MAML3: variants seen among roughly 807,000 people sequenced by gnomAD.
MAML3 encodes the protein mastermind like transcriptional coactivator 3, also known as mastermind-like protein 3.
MAML3 carries 27 observed loss-of-function variants against 101.9 expected under a neutral mutation model. The ratio of observed to expected loss-of-function variants is 0.27; its 90% CI spans 0.20 to 0.37. The LOEUF (loss-of-function observed/expected upper bound fraction) is 0.37, where lower values mean the gene tolerates loss of function less well. Among genes scored for constraint, MAML3 ranks in the 10% least tolerant of loss-of-function variants. MAML3 has a pLI of 1.00. For synonymous variants in MAML3, 501 were observed against 555.9 expected (o/e 0.90, Z 1.39); for missense variants, 1,316 against 1,444.9 (o/e 0.91, Z 1.45).
At chr4:139,860,220 G>C (rs917115649) in intron 2 of MAML3, among the ~76,000 whole-genome samples, 2 of 152,232 alleles carry the variant, frequency 1.3e-5, no homozygotes, top group Admixed American at 1.3e-4. Flanking sequence ...TGCGGATCCT[G>C]CGTTCACCAG....
At chr4:139,844,808 G>C (rs1043677760) in intron 2 of MAML3, among the ~76,000 whole-genome samples, 1 of 152,222 alleles carries the variant, frequency 6.6e-6, no homozygotes, top group Non-Finnish European at 1.5e-5. Flanking sequence ...AGACTGCAGA[G>C]AGCCTGGGGA....
intron 1 of MAML3, among the ~76,000 whole-genome samples, chr4:140,020,522 T>C (rs1726715448): frequency 6.6e-6 from 1 of 152,138 alleles, no homozygotes; most frequent in African/African-American, 2.4e-5. Flanking sequence ...TAGTTTGATA[T>C]TGAGCAAAAG....
chr4:140,110,222 T>C (rs1207228238), intron 1 of MAML3, among the ~76,000 whole-genome samples: 8 of 152,232 alleles, frequency 5.3e-5, no homozygotes. Context: ...GTTTTTGGCC[T>C]ATTCTAAAGG....
chr4:140,107,603 C>G (rs1728373733), intron 1 of MAML3, among the ~76,000 whole-genome samples: 1 of 151,246 alleles, frequency 6.6e-6, no homozygotes, highest in Non-Finnish European at 1.5e-5. Flanking sequence ...CTCTCGAGTT[C>G]AAGCGATTCT....
chr4:139,934,026 T>C (rs1733456895), intron 1 of MAML3, among the ~76,000 whole-genome samples: 1 of 152,136 alleles, frequency 6.6e-6, no homozygotes, highest in African/African-American at 2.4e-5. Context: ...TGTATATGAA[T>C]GTGTGTGGGA....
rs561093483 is a variant in MAML3, at chr4:139,756,469, T to C, written c.2080-25802A>G. Among the ~76,000 whole-genome samples, 26 of 152,314 alleles carry C rather than the reference T, an allele frequency of 1.7e-4. No individual in the cohort carries two copies. In the South Asian group the frequency reaches 4.4e-3, roughly 26 times the overall value. ...GTTGTCTGTCAGCATTCTCATAGAATATCCCAAGAATTATACCTGAGAGTC... is the reference window on the plus strand; with the variant it reads ...GTTGTCTGTCAGCATTCTCATAGAACATCCCAAGAATTATACCTGAGAGTC... On this transcript the variant is annotated intron_variant, in intron 2 of 4. Coordinates refer to ENST00000509479, the MANE Select transcript of MAML3 (RefSeq NM_018717.5).
At chr4:139,852,401 C>CTTTTTTTTTTTTTTT (rs1560814189) in intron 2 of MAML3, among the ~76,000 whole-genome samples, 1 of 126,272 alleles carries the variant, frequency 7.9e-6, no homozygotes, top group African/African-American at 3.4e-5. Context: ...ATTCAGAAGA[C>CTTTTTTTTTTTTTTT]TGTTTTTTTT....
chr4:140,069,616 G>A (rs1377947222), intron 1 of MAML3, among the ~76,000 whole-genome samples: 2 of 141,164 alleles, frequency 1.4e-5, no homozygotes, highest in African/African-American at 2.7e-5. Flanking sequence ...AGAAGAAGAA[G>A]AAAAAGAAAG....
At chr4:139,864,690 A>AAG (rs1263818441) in intron 2 of MAML3, among the ~76,000 whole-genome samples, 1 of 150,088 alleles carries the variant, frequency 6.7e-6, no homozygotes, top group African/African-American at 2.4e-5. Flanking sequence ...AAAAAAAAAA[A>AAG]AAAAAAAAAG....
At position 139,718,493 on chromosome 4, in the gene MAML3, C is replaced by T. The variant is rs1010429445; in HGVS notation, c.*830G>A. 4 of 152,218 alleles carry T rather than the reference C, an allele frequency of 2.6e-5. No individual in the cohort carries two copies. The highest frequency in any genetic ancestry group is 2.1e-4 in the South Asian group (1 of 4,826). 9.4% of individuals were successfully genotyped at this position (152,218 alleles called of 1,614,324 possible). On this transcript the variant is annotated 3_prime_UTR_variant, in exon 5 of 5. Transcript: ENST00000509479. ...AGTAGGGGTTTCCCTGCCCTGCGGC[C>T]GCCAGAAGTAGATGTGACCCACCTG... is the stretch of plus-strand genomic sequence containing the variant.
intron 2 of MAML3, among the ~76,000 whole-genome samples, chr4:139,866,522 T>G (rs1009815521): frequency 6.6e-6 from 1 of 152,164 alleles, no homozygotes; most frequent in Non-Finnish European, 1.5e-5. Context: ...CTGCTGTGTG[T>G]CCCCCAGAGA....
At chr4:139,786,229 G>A (rs968571200) in intron 2 of MAML3, among the ~76,000 whole-genome samples, 9 of 152,012 alleles carry the variant, frequency 5.9e-5, no homozygotes, top group African/African-American at 2.2e-4. Flanking sequence ...CTCCAGAGCT[G>A]TGAGAAAATA....
intron 2 of MAML3, among the ~76,000 whole-genome samples, chr4:139,826,514 G>A (rs1372863373): frequency 2.6e-5 from 4 of 152,144 alleles, no homozygotes; most frequent in African/African-American, 9.7e-5. Flanking sequence ...ATAGACTGGT[G>A]GCGTCAGCAA....
intron 1 of MAML3, among the ~76,000 whole-genome samples, chr4:139,929,378 T>C (rs1733333243): frequency 6.6e-6 from 1 of 152,246 alleles, no homozygotes; most frequent in Non-Finnish European, 1.5e-5. Context: ...GGTATTTTCT[T>C]TGAAGGTAGA....
intron 1 of MAML3, among the ~76,000 whole-genome samples, chr4:140,117,448 G>T (rs1214987283): frequency 6.6e-6 from 1 of 152,018 alleles, no homozygotes; most frequent in Non-Finnish European, 1.5e-5. Flanking sequence ...TTAAAAGTAT[G>T]ACTTACAGAA....
chr4:140,058,812 C>T (rs1180654038), intron 1 of MAML3, among the ~76,000 whole-genome samples: 3 of 151,990 alleles, frequency 2.0e-5, no homozygotes, highest in Non-Finnish European at 4.4e-5. Context: ...TAAACAAGGA[C>T]CTTCATGTTA....
chr4:140,006,668 A>G (rs1457510662), intron 1 of MAML3, among the ~76,000 whole-genome samples: 2 of 151,880 alleles, frequency 1.3e-5, no homozygotes, highest in Admixed American at 6.6e-5. Context: ...GGTGGTTAGC[A>G]TATTTTCTCA....
At chr4:139,925,846 A>T (rs1733216120) in intron 1 of MAML3, among the ~76,000 whole-genome samples, 1 of 152,226 alleles carries the variant, frequency 6.6e-6, no homozygotes, top group African/African-American at 2.4e-5. Context: ...AAGAATGCAT[A>T]GAAGGCAAAG....
At chr4:139,945,399 A>T (rs961944367) in intron 1 of MAML3, among the ~76,000 whole-genome samples, 4 of 152,252 alleles carry the variant, frequency 2.6e-5, no homozygotes, top group East Asian at 1.9e-4. Flanking sequence ...TTATTTTTTT[A>T]AAAAAGATTT....
Sources: gnomAD v4.1 joint callset for allele counts (sites outside exome capture counted in the v4.1 genomes callset) on GRCh38, gnomAD v4.1.1 for gene constraint, MANE v1.5 for transcripts, NCBI Gene and HGNC (gene_info 2026-07-23, HGNC 2026-07-21) for gene names.